LRRC37A2: variants seen among roughly 807,000 people sequenced by gnomAD.
The protein encoded by LRRC37A2 is leucine rich repeat containing 37 member A2.
In LRRC37A2, 9 loss-of-function variants were observed where a neutral mutation model predicts 68.8. The ratio of observed to expected loss-of-function variants is 0.13; its 90% CI spans 0.08 to 0.23. The LOEUF (loss-of-function observed/expected upper bound fraction) is 0.23. LRRC37A2 is among the 10% of genes least tolerant of loss of function. The probability of loss-of-function intolerance (pLI) is 1.00; values close to 1 mark genes in which losing one functional copy is unlikely to be tolerated. For missense variants in LRRC37A2, 168 were observed against 950.4 expected (o/e 0.18, Z 10.82); for synonymous variants, 63 against 367.6 (o/e 0.17, Z 9.48).
the LRRC37A2 span, among the ~76,000 whole-genome samples, chr17:46,676,576 A>G: frequency 2.1e-5 from 3 of 144,424 alleles, no homozygotes; most frequent in Non-Finnish European, 4.4e-5. Flanking sequence ...ATGCTGGTTT[A>G]GAATTTGAAT....
the LRRC37A2 span, among the ~76,000 whole-genome samples, chr17:46,877,506 G>A: frequency 6.6e-6 from 1 of 152,198 alleles, no homozygotes; most frequent in Non-Finnish European, 1.5e-5. Flanking sequence ...AGCCACCAAG[G>A]CGGGACTCAG....
the LRRC37A2 span, among the ~76,000 whole-genome samples, chr17:46,991,401 T>C: frequency 6.6e-6 from 1 of 151,938 alleles, no homozygotes; most frequent in Non-Finnish European, 1.5e-5. Flanking sequence ...CCGAGGTGGG[T>C]GGATCACCTG....
chr17:46,970,858 A>G, the LRRC37A2 span, among the ~76,000 whole-genome samples: 1 of 152,380 alleles, frequency 6.6e-6, no homozygotes, highest in Non-Finnish European at 1.5e-5. Context: ...GTATCACGGT[A>G]TACGTTCAAA....
chr17:46,843,564 A>T, the LRRC37A2 span, among the ~76,000 whole-genome samples: 1 of 152,106 alleles, frequency 6.6e-6, no homozygotes, highest in African/African-American at 2.4e-5. Flanking sequence ...CTCATTTGGT[A>T]CTTTCTTCTC....
At chr17:46,743,443 A>G in the LRRC37A2 span, among the ~76,000 whole-genome samples, 1 of 152,126 alleles carries the variant, frequency 6.6e-6, no homozygotes, top group Admixed American at 6.5e-5. Flanking sequence ...CTCTATTCTC[A>G]TAAGTAGGTA....
At chr17:46,872,805 T>TGGGGGCGGGGGCGGGCG in the LRRC37A2 span, 2 of 1,089,666 alleles carry the variant, frequency 1.8e-6, no homozygotes, top group Non-Finnish European at 2.6e-6. Context: ...CGGGGAGGGC[T>TGGGGGCGGGGGCGGGCG]GGGGGAAGAA....
the LRRC37A2 span, among the ~76,000 whole-genome samples, chr17:46,813,056 C>T: frequency 3.3e-5 from 5 of 151,978 alleles, no homozygotes; most frequent in South Asian, 4.2e-4. Context: ...GTGTTTGGGG[C>T]GAGGTTTGGA....
At chr17:47,004,783 A>G in the LRRC37A2 span, among the ~76,000 whole-genome samples, 2 of 152,056 alleles carry the variant, frequency 1.3e-5, no homozygotes, top group Admixed American at 6.6e-5. Flanking sequence ...TCTCGCCTCA[A>G]CCTCCCAAAG....
At chr17:46,871,736 T>G in the LRRC37A2 span, among the ~76,000 whole-genome samples, 2 of 152,188 alleles carry the variant, frequency 1.3e-5, no homozygotes, top group Admixed American at 1.3e-4. Flanking sequence ...CCAGAATCGA[T>G]GAACTTTCAA....
At chr17:46,543,293 G>A (rs1244948843) in intron 8 of LRRC37A2, among the ~76,000 whole-genome samples, 3 of 150,454 alleles carry the variant, frequency 2.0e-5, no homozygotes, top group African/African-American at 5.0e-5. Context: ...GATCTTTCAT[G>A]TGTATTGAAA....
chr17:46,769,884 C>T, the LRRC37A2 span: 5 of 1,613,534 alleles, frequency 3.1e-6, no homozygotes, highest in African/African-American at 6.7e-5. Flanking sequence ...ACGCCGAAGT[C>T]AGCGTCCTCG....
At chr17:46,819,470 C>T in the LRRC37A2 span, among the ~76,000 whole-genome samples, 7 of 152,188 alleles carry the variant, frequency 4.6e-5, no homozygotes, top group South Asian at 2.1e-4. The surrounding 1 kb of genome is among the most constrained non-coding windows in gnomAD (Gnocchi z 5.3). Flanking sequence ...ACTTTCTCCT[C>T]CTTGAGGGGT....
the LRRC37A2 span, among the ~76,000 whole-genome samples, chr17:46,829,334 A>AT: frequency 6.6e-6 from 1 of 151,842 alleles, no homozygotes; most frequent in African/African-American, 2.4e-5. Context: ...TGCCTGGCTC[A>AT]TTTTTTTGTA....
chr17:46,980,032 C>CGATT, the LRRC37A2 span, among the ~76,000 whole-genome samples: 1 of 151,802 alleles, frequency 6.6e-6, no homozygotes, highest in South Asian at 2.1e-4. Flanking sequence ...CTTTCCCTAG[C>CGATT]GATGGTCCTC....
At chr17:46,833,180 G>T in the LRRC37A2 span, 1 of 369,672 alleles carries the variant, frequency 2.7e-6, no homozygotes, top group East Asian at 7.3e-5. Context: ...GTGACATGGT[G>T]CTCTCAGCAC....
the LRRC37A2 span, chr17:46,876,583 C>T: frequency 6.2e-7 from 1 of 1,613,556 alleles, no homozygotes; most frequent in Non-Finnish European, 8.5e-7. Context: ...GCTGCAGCAG[C>T]CTGTGCTGCG....
the LRRC37A2 span, among the ~76,000 whole-genome samples, chr17:46,771,735 C>T: frequency 7.6e-6 from 1 of 131,728 alleles, no homozygotes; most frequent in East Asian, 2.4e-4. Flanking sequence ...GCCGCGAAAT[C>T]CCCATTGAAG....
chr17:46,775,427 C>T, the LRRC37A2 span, among the ~76,000 whole-genome samples: 2 of 152,088 alleles, frequency 1.3e-5, no homozygotes, highest in South Asian at 4.1e-4. Context: ...TACCCATCCA[C>T]CTTGGTTGTC....
chr17:47,028,406 C>T, the LRRC37A2 span: 30 of 1,173,784 alleles, frequency 2.6e-5, no homozygotes, highest in African/African-American at 1.7e-4. Flanking sequence ...TATTTATCTA[C>T]AAAAACTCAT....
Sources: gnomAD v4.1 joint callset for allele counts (sites outside exome capture counted in the v4.1 genomes callset) on GRCh38, gnomAD v4.1.1 for gene constraint, Gnocchi (gnomAD v3.1) non-coding constraint, MANE v1.5 for transcripts, NCBI Gene and HGNC (gene_info 2026-07-23, HGNC 2026-07-21) for gene names.